Variants in CDH12 observed in about 807,000 individuals in gnomAD.
The protein encoded by CDH12 is cadherin-12.
In CDH12, 41 loss-of-function variants were observed where a neutral mutation model predicts 74.1. The observed-to-expected ratio is 0.55, with a 90% CI of 0.43 to 0.72. The LOEUF (loss-of-function observed/expected upper bound fraction) is 0.72. Ranked by LOEUF, CDH12 falls within the 30% of genes least tolerant of loss-of-function variation. CDH12 has a pLI of 0.00. For synonymous variants in CDH12, 399 were observed against 355.0 expected (o/e 1.12, Z -1.39); for missense variants, 945 against 977.2 (o/e 0.97, Z 0.44).
intron 2 of CDH12, among the ~76,000 whole-genome samples, chr5:22,435,255 G>A (rs190133685): frequency 7.2e-4 from 109 of 152,152 alleles, no homozygotes; most frequent in Non-Finnish European, 1.3e-3. Flanking sequence ...TCCTGTACTG[G>A]ATGCTTCCTG....
At chr5:22,678,779 T>TTA (rs567896822) in intron 1 of CDH12, among the ~76,000 whole-genome samples, 67 of 152,192 alleles carry the variant, frequency 4.4e-4, no homozygotes, top group African/African-American at 1.6e-3. Context: ...ATTTAGGAAT[T>TTA]GCAAAGATTA....
At chr5:21,961,235 C>T (rs1305585427) in intron 6 of CDH12, among the ~76,000 whole-genome samples, 1 of 152,108 alleles carries the variant, frequency 6.6e-6, no homozygotes, top group Non-Finnish European at 1.5e-5. Context: ...GTTGTATAAA[C>T]ATTGAGAATT....
intron 4 of CDH12, among the ~76,000 whole-genome samples, chr5:22,197,681 T>A (rs1022809974): frequency 2.6e-5 from 4 of 152,236 alleles, no homozygotes; most frequent in African/African-American, 9.6e-5. Context: ...TCTGAAACTA[T>A]GATGTTATTA....
At chr5:22,758,290 G>T (rs1395268102) in intron 1 of CDH12, among the ~76,000 whole-genome samples, 1 of 152,174 alleles carries the variant, frequency 6.6e-6, no homozygotes, top group African/African-American at 2.4e-5. Flanking sequence ...AAATAAAAGA[G>T]ATTGTTTCTA....
At chr5:22,125,983 G>T (rs1161986375) in intron 4 of CDH12, among the ~76,000 whole-genome samples, 8 of 108,450 alleles carry the variant, frequency 7.4e-5, no homozygotes, top group Admixed American at 2.2e-4. Flanking sequence ...TAAATCTATT[G>T]TGTATTTCAT....
chr5:22,656,261 A>G (rs1365943656), intron 1 of CDH12, among the ~76,000 whole-genome samples: 2 of 152,192 alleles, frequency 1.3e-5, no homozygotes, highest in Non-Finnish European at 2.9e-5. Context: ...TCTGGATTTT[A>G]TAAGGTCTTG....
At chr5:22,300,101 C>A (rs937581177) in intron 3 of CDH12, among the ~76,000 whole-genome samples, 6 of 152,090 alleles carry the variant, frequency 3.9e-5, no homozygotes, top group Non-Finnish European at 7.4e-5. Context: ...TGAATAAGAA[C>A]TGAAAGAAAT....
intron 5 of CDH12, among the ~76,000 whole-genome samples, chr5:21,988,690 G>A (rs563495787): frequency 1.3e-5 from 2 of 152,154 alleles, no homozygotes; most frequent in East Asian, 3.9e-4. Flanking sequence ...GTAAGACATT[G>A]AGGCAAGCCA....
At chr5:22,680,275 A>T (rs1741425795) in intron 1 of CDH12, among the ~76,000 whole-genome samples, 1 of 152,116 alleles carries the variant, frequency 6.6e-6, no homozygotes, top group Non-Finnish European at 1.5e-5. Flanking sequence ...CATATTAAAT[A>T]TCTCACAGTT....
chr5:22,166,823 A>G (rs7379155), intron 4 of CDH12, among the ~76,000 whole-genome samples: 133,057 of 151,982 alleles, frequency 0.88, 59,000 homozygotes, highest in South Asian at 0.94. Context: ...AGAAATGATC[A>G]CTCCCTAGCG....
chr5:22,108,230 A>G (rs907215080), intron 4 of CDH12, among the ~76,000 whole-genome samples: 3 of 152,180 alleles, frequency 2.0e-5, no homozygotes, highest in Non-Finnish European at 4.4e-5. Context: ...GTTCCCCTGC[A>G]CAAGCCTTCT....
At chr5:22,683,210 A>G (rs1187049361) in intron 1 of CDH12, among the ~76,000 whole-genome samples, 1 of 152,194 alleles carries the variant, frequency 6.6e-6, no homozygotes, top group Non-Finnish European at 1.5e-5. Flanking sequence ...AGTCACAGCC[A>G]ATGTGATGGT....
At chr5:22,457,867 C>T (rs1745346672) in intron 2 of CDH12, among the ~76,000 whole-genome samples, 1 of 152,166 alleles carries the variant, frequency 6.6e-6, no homozygotes, top group Non-Finnish European at 1.5e-5. Flanking sequence ...GCCTCAGTCT[C>T]CCGAGTAGCT....
intron 1 of CDH12, among the ~76,000 whole-genome samples, chr5:22,807,744 A>T: frequency 6.6e-6 from 1 of 152,330 alleles, no homozygotes; most frequent in East Asian, 1.9e-4. Context: ...ACCTAAACAT[A>T]GAAAAGGCAC....
intron 3 of CDH12, among the ~76,000 whole-genome samples, chr5:22,236,236 T>G (rs1752554975): frequency 6.6e-6 from 1 of 152,216 alleles, no homozygotes; most frequent in African/African-American, 2.4e-5. Context: ...AATATTCTTC[T>G]TCTTTAACCT....
At chr5:21,983,007 C>A (rs1350418348) in intron 5 of CDH12, among the ~76,000 whole-genome samples, 1 of 152,024 alleles carries the variant, frequency 6.6e-6, no homozygotes, top group East Asian at 1.9e-4. Context: ...TTCTTTCTTG[C>A]TAATCCAAAC....
chr5:22,629,913 T>A (rs1440361789), intron 1 of CDH12, among the ~76,000 whole-genome samples: 1 of 152,010 alleles, frequency 6.6e-6, no homozygotes, highest in Admixed American at 6.6e-5. Flanking sequence ...CAGCAAAATT[T>A]CAGAATACAA....
intron 6 of CDH12, among the ~76,000 whole-genome samples, chr5:21,882,304 CAG>C (rs1429801858): frequency 2.0e-5 from 3 of 152,142 alleles, no homozygotes; most frequent in Non-Finnish European, 4.4e-5. Context: ...CAGCCACACA[CAG>C]AGGATGACGT....
chr5:21,988,172 A>C (rs1757593533), intron 5 of CDH12, among the ~76,000 whole-genome samples: 1 of 152,150 alleles, frequency 6.6e-6, no homozygotes, highest in Non-Finnish European at 1.5e-5. Flanking sequence ...CTTTGGTTAC[A>C]GGATATGACA....
Sources: allele counts gnomAD v4.1 joint callset (sites outside exome capture counted in the v4.1 genomes callset), GRCh38; gene constraint gnomAD v4.1.1; transcripts MANE v1.5; gene names NCBI Gene and HGNC (gene_info 2026-07-23, HGNC 2026-07-21).